SLC25A36: variants seen among roughly 807,000 people sequenced by gnomAD.
The protein encoded by SLC25A36 is solute carrier family 25 member 36, also known as epididymis secretory sperm binding protein.
A neutral mutation model predicts 35.3 loss-of-function variants in SLC25A36; 24 were observed. That is an observed-to-expected ratio of 0.68 (90% CI 0.49 to 0.96). SLC25A36 has a LOEUF of 0.96. Among genes scored for constraint, SLC25A36 ranks in the 40% least tolerant of loss-of-function variants. SLC25A36 has a pLI of 0.00. For missense variants in SLC25A36, 294 were observed against 381.1 expected (o/e 0.77, Z 1.90); for synonymous variants, 141 against 132.2 (o/e 1.07, Z -0.46).
At position 140,979,398 on chromosome 3, in the gene SLC25A36, C is replaced by T. The variant is rs1365001791; in HGVS notation, c.*2945C>T. The T allele has an allele frequency of 6.6e-6, 1 of 152,078 alleles. No individual in the cohort carries two copies. The highest frequency in any genetic ancestry group is 1.5e-5 in the Non-Finnish European group (1 of 67,992). The allele number at this position is 152,078 out of a possible 1,614,324, so 9.4% of individuals were successfully genotyped here. Reference sequence around the variant, plus strand: ...CATTTCTTGCCCTTCAATAATTGTCCATGCCTGCCTTTTGTTGTTTACATG... The same window carrying T: ...CATTTCTTGCCCTTCAATAATTGTCTATGCCTGCCTTTTGTTGTTTACATG... On this transcript the variant is annotated 3_prime_UTR_variant, in exon 7 of 7. Transcript: ENST00000324194.
chr3:140,942,636 C>T (rs1934045026), intron 1 of SLC25A36: 1 of 152,296 alleles, frequency 6.6e-6, no homozygotes. Context: ...CTCCTTTAGC[C>T]CTCGCTCCTT....
At chr3:140,968,024 T>TTG (rs895573715) in intron 4 of SLC25A36, 1 of 984,670 alleles carries the variant, frequency 1.0e-6, no homozygotes, top group African/African-American at 1.7e-5. Flanking sequence ...CCCAGTATCT[T>TTG]TGTGTGTGTT....
At position 140,978,260 on chromosome 3, in the gene SLC25A36, T is replaced by G. The variant is rs1935101929; in HGVS notation, c.*1807T>G. ...AAGGCAAAATCAGTTTTCTTACCTTTGGAATTATTCGTACCTTTTATGGTA... is the reference window on the plus strand; with the variant it reads ...AAGGCAAAATCAGTTTTCTTACCTTGGGAATTATTCGTACCTTTTATGGTA... On this transcript the variant is annotated 3_prime_UTR_variant, in exon 7 of 7. Coordinates refer to ENST00000324194, the MANE Select transcript of SLC25A36 (RefSeq NM_001104647.3). 1 of 152,176 alleles carries G rather than the reference T, an allele frequency of 6.6e-6. No homozygotes were observed. The highest frequency in any genetic ancestry group is 1.5e-5 in the Non-Finnish European group (1 of 68,020). The allele number at this position is 152,176 out of a possible 1,614,324, so 9.4% of individuals were successfully genotyped here.
rs148717177 is a variant in SLC25A36 at position 140,976,490 on chromosome 3, C to T, written c.*37C>T. 244 of 1,542,086 alleles carry T rather than the reference C, an allele frequency of 1.6e-4. 2 individuals carry two copies. The East Asian group carries it at 5.2e-3, about 33-fold the overall frequency. On this transcript the variant is annotated 3_prime_UTR_variant, in exon 7 of 7. Coordinates refer to ENST00000324194, the MANE Select transcript of SLC25A36 (RefSeq NM_001104647.3). ...CTGCTGTACTGCAAAAAAAGAAGAC[C>T]AAAAGATTACAGTGGACCATGGGAT...
intron 3 of SLC25A36, among the ~76,000 whole-genome samples, chr3:140,960,320 A>G (rs1934595886): frequency 6.6e-6 from 1 of 152,228 alleles, no homozygotes; most frequent in South Asian, 2.1e-4. Context: ...TTTGACTCTA[A>G]GAAAGGTAAG....
At chr3:140,975,188 A>G (rs986018163) in intron 6 of SLC25A36, among the ~76,000 whole-genome samples, 4 of 132,024 alleles carry the variant, frequency 3.0e-5, no homozygotes, top group South Asian at 2.6e-4. Context: ...GCTCCCTGCA[A>G]CCTTGAACTC....
intron 1 of SLC25A36, among the ~76,000 whole-genome samples, chr3:140,944,590 T>C (rs188209149): frequency 5.3e-5 from 8 of 152,350 alleles, no homozygotes; most frequent in Admixed American, 1.3e-4. Flanking sequence ...TGTCTAGTTA[T>C]TGTATCAGCT....
chr3:140,974,711 T>G (rs954642939), intron 6 of SLC25A36, among the ~76,000 whole-genome samples: 4 of 152,210 alleles, frequency 2.6e-5, no homozygotes, highest in African/African-American at 9.6e-5. Context: ...TTTGCATGTT[T>G]AAGATTTGTT....
chr3:140,971,127 A>G, intron 5 of SLC25A36, 134 bp downstream of exon 5: 1 of 546,732 alleles, frequency 1.8e-6, no homozygotes, highest in South Asian at 2.5e-5. Context: ...CTGCCATCAG[A>G]AAAAAGATAA....
At chr3:140,974,970 TG>T (rs1934999029) in intron 6 of SLC25A36, among the ~76,000 whole-genome samples, 1 of 152,040 alleles carries the variant, frequency 6.6e-6, no homozygotes, top group African/African-American at 2.4e-5. Flanking sequence ...TACTGACCTA[TG>T]GGGTAGGTTA....
At chr3:140,968,174 T>C (rs1934810889) in intron 4 of SLC25A36, 11 of 933,856 alleles carry the variant, frequency 1.2e-5, no homozygotes, top group Non-Finnish European at 1.4e-5. Flanking sequence ...ATTTATTAGA[T>C]GTAATTAGCC....
intron 1 of SLC25A36, 21 bp from the exon 2 acceptor site, chr3:140,956,506 C>CTTTTT: frequency 1.4e-6 from 2 of 1,424,592 alleles, no homozygotes; most frequent in Admixed American, 2.5e-5. Flanking sequence ...AAGCTGTGTT[C>CTTTTT]TTTTTTTTTT....
At chr3:140,962,409 A>G (rs889779313) in intron 3 of SLC25A36, among the ~76,000 whole-genome samples, 1 of 152,184 alleles carries the variant, frequency 6.6e-6, no homozygotes, top group African/African-American at 2.4e-5. Flanking sequence ...GATGCATAAA[A>G]TCGTAGTCAG....
chr3:140,959,158 G>T (rs952315347), intron 2 of SLC25A36, among the ~76,000 whole-genome samples: 3 of 151,630 alleles, frequency 2.0e-5, no homozygotes, highest in African/African-American at 7.3e-5. Flanking sequence ...TGTGATTACA[G>T]GCATGCACCA....
rs1008421585 is a variant in SLC25A36 at position 140,976,493 on chromosome 3, A to G, written c.*40A>G. ...CTGTACTGCAAAAAAAGAAGACCAA[A>G]AGATTACAGTGGACCATGGGATACA... On this transcript the variant is annotated 3_prime_UTR_variant, in exon 7 of 7. Transcript: ENST00000324194. 1 of 1,538,258 alleles carries G rather than the reference A, an allele frequency of 6.5e-7. No homozygotes were observed. The highest frequency in any genetic ancestry group is 8.8e-7 in the Non-Finnish European group (1 of 1,138,544).
rs10662120 is a variant in SLC25A36, at chr3:140,975,097, CTTTTTTTTTT to C, written c.742+1113_742+1122del. On this transcript the variant is annotated intron_variant, in intron 6 of 6. Coordinates refer to ENST00000324194, the MANE Select transcript of SLC25A36 (RefSeq NM_001104647.3). The stretch of plus-strand genomic sequence containing the variant: ...GTACAGTTGATAAACAAGATACATT[CTTTTTTTTTT>C]TTTTTTTTTTTTTTTTTTTTGATAG... 2.9e-4 allele frequency among the ~76,000 whole-genome samples: 16 copies of C among 55,184 alleles called. 2 individuals are homozygous for C. Among genetic ancestry groups the C allele is most frequent in the East Asian group, 9.5e-4 (2 of 2,102 alleles). 36.2% of individuals were successfully genotyped at this position (55,184 alleles called of 152,430 possible). A position where few individuals can be genotyped will look rare whatever the true frequency, so the allele number is the denominator to read the frequency against.
intron 1 of SLC25A36, among the ~76,000 whole-genome samples, chr3:140,944,102 T>C (rs902070005): frequency 3.9e-5 from 6 of 152,208 alleles, no homozygotes; most frequent in Non-Finnish European, 7.4e-5. Flanking sequence ...CATAAGTGAG[T>C]TCAGTAAAAC....
chr3:140,967,290 A>AAT (rs201003803), intron 4 of SLC25A36, among the ~76,000 whole-genome samples: 383 of 151,840 alleles, frequency 2.5e-3, no homozygotes, highest in African/African-American at 7.3e-3. Flanking sequence ...ATGTAATAAC[A>AAT]ATATATATAT....
chr3:140,961,014 C>T lies in SLC25A36; in HGVS notation c.284+1474C>T, dbSNP rs201906907. 9.2e-5 allele frequency among the ~76,000 whole-genome samples: 14 copies of T among 152,298 alleles called. No individual in the cohort carries two copies. In the East Asian group the frequency reaches 2.7e-3, roughly 29 times the overall value. On this transcript the variant is annotated intron_variant, in intron 3 of 6. Coordinates refer to ENST00000324194, the MANE Select transcript of SLC25A36 (RefSeq NM_001104647.3). ...CACCATTGCATCTTAGATTGTTAAC[C>T]TCTTCCATGATAGAACACTGTATAA... is the stretch of plus-strand genomic sequence containing the variant.
Sources: gnomAD v4.1 joint callset for allele counts (sites outside exome capture counted in the v4.1 genomes callset) on GRCh38, gnomAD v4.1.1 for gene constraint, MANE v1.5 for transcripts, NCBI Gene and HGNC (gene_info 2026-07-23, HGNC 2026-07-21) for gene names.